Variants in MRPL13 observed in about 807,000 individuals in gnomAD.
The protein encoded by MRPL13 is mitochondrial ribosomal protein L13.
MRPL13 carries 33 observed loss-of-function variants against 29.0 expected under a neutral mutation model. The observed-to-expected ratio is 1.14, with a 90% CI of 0.86 to 1.52. The LOEUF (loss-of-function observed/expected upper bound fraction) is 1.52, where lower values mean the gene tolerates loss of function less well. MRPL13 is among the 40% of genes most tolerant of loss of function. The probability of loss-of-function intolerance (pLI) is 0.00; values close to 1 mark genes in which losing one functional copy is unlikely to be tolerated. For missense variants in MRPL13, 227 were observed against 216.7 expected (o/e 1.05, Z -0.30); for synonymous variants, 77 against 68.4 (o/e 1.13, Z -0.62).
intron 4 of MRPL13, 106 bp from the exon 5 acceptor site, chr8:120,420,044 G>T (rs1042821818): frequency 3.2e-6 from 2 of 631,188 alleles, no homozygotes; most frequent in Non-Finnish European, 4.8e-6. Context: ...GATTCAACAC[G>T]AATATAGGAA....
Position 120,431,636 on chromosome 8 carries a change from G to A in MRPL13, c.245+394C>T, listed in dbSNP as rs565219296. On this transcript the variant is annotated intron_variant, in intron 3 of 6. Coordinates refer to ENST00000306185, the MANE Select transcript of MRPL13 (RefSeq NM_014078.6). ...CAGGTGAGTGTATTTACTTAAGAGA[G>A]ATACTGACAAACAAGATTTTATCTA... Among the ~76,000 whole-genome samples, 3 of 152,160 alleles carry A rather than the reference G, an allele frequency of 2.0e-5. No individual in the cohort carries two copies. In the South Asian group the frequency reaches 6.2e-4, roughly 32 times the overall value.
At chr8:120,425,722 T>A (rs1812924684) in intron 3 of MRPL13, among the ~76,000 whole-genome samples, 1 of 152,146 alleles carries the variant, frequency 6.6e-6, no homozygotes, top group Non-Finnish European at 1.5e-5. Context: ...CCAAATTAGA[T>A]AAACCGTATA....
intron 6 of MRPL13, among the ~76,000 whole-genome samples, chr8:120,408,398 C>T (rs1812702280): frequency 6.6e-6 from 1 of 152,128 alleles, no homozygotes; most frequent in Non-Finnish European, 1.5e-5. Flanking sequence ...TTTTATTTTA[C>T]TAGCCAGTCC....
intron 6 of MRPL13, among the ~76,000 whole-genome samples, chr8:120,407,061 C>T (rs1475217491): frequency 1.3e-5 from 2 of 152,166 alleles, no homozygotes; most frequent in African/African-American, 2.4e-5. Context: ...AATTCTTTAC[C>T]ATACGCATCC....
intron 5 of MRPL13, 23 bp from the exon 6 acceptor site, chr8:120,414,135 CTT>C: frequency 2.8e-6 from 4 of 1,438,196 alleles, no homozygotes; most frequent in South Asian, 1.5e-5. Context: ...AAAATTTAGA[CTT>C]AATTTTCTTA....
Position 120,432,025 on chromosome 8 carries a change from C to A in MRPL13, c.245+5G>T. ...CTAATTTCCCTGACAACAGCATTAT[C>A]TTACCCAGTATGCGAAGAGTATACT... On this transcript the variant is annotated splice_donor_5th_base_variant and intron_variant, in intron 3 of 6. Coordinates refer to ENST00000306185, the MANE Select transcript of MRPL13 (RefSeq NM_014078.6). The A allele has an allele frequency of 6.3e-7, 1 of 1,586,990 alleles. No homozygotes were observed. Among genetic ancestry groups the A allele is most frequent in the Non-Finnish European group, 8.6e-7 (1 of 1,163,828 alleles).
chr8:120,403,105 C>G (rs1812621613), intron 6 of MRPL13, among the ~76,000 whole-genome samples: 1 of 152,150 alleles, frequency 6.6e-6, no homozygotes, highest in Admixed American at 6.5e-5. Flanking sequence ...CCTCAAAGAT[C>G]TAGAGGTAGA....
chr8:120,430,475 G>C (rs1021978241), intron 3 of MRPL13, among the ~76,000 whole-genome samples: 4 of 152,090 alleles, frequency 2.6e-5, no homozygotes, highest in African/African-American at 9.7e-5. Flanking sequence ...ACAGTGTTAT[G>C]AGCATAATAA....
In MRPL13 at chr8:120,443,318, GAA is replaced by G. The variant is rs5894521; in HGVS notation, c.28-12_28-11del. On this transcript the variant is annotated splice_polypyrimidine_tract_variant and intron_variant, in intron 1 of 6. Transcript: ENST00000306185. ...CAAAAGTGGCCCATTGCTTGGGGGG[GAA>G]AAAAAAAAAAAAGAAGAGGAAAAAA... 0.015 allele frequency: 20,822 copies of G among 1,346,116 alleles called. 29 individuals are homozygous for G. Among genetic ancestry groups the G allele is most frequent in the African/African-American group, 0.042 (2,672 of 63,530 alleles). 83.4% of individuals were successfully genotyped at this position (1,346,116 alleles called of 1,614,324 possible). A position where few individuals can be genotyped will look rare whatever the true frequency, so the allele number is the denominator to read the frequency against.
chr8:120,397,142 C>G (rs78767771), intron 6 of MRPL13, among the ~76,000 whole-genome samples: 2 of 152,148 alleles, frequency 1.3e-5, no homozygotes, highest in Non-Finnish European at 2.9e-5. Flanking sequence ...GTTTCTCTCA[C>G]GGATCTTTGC....
intron 6 of MRPL13, among the ~76,000 whole-genome samples, chr8:120,404,064 C>T (rs779137030): frequency 7.9e-5 from 12 of 152,162 alleles, no homozygotes; most frequent in Admixed American, 7.2e-4. Flanking sequence ...CAGCTACACG[C>T]GGCTCCAGAA....
chr8:120,414,084 A>G lies in MRPL13; in HGVS notation c.422T>C (p.Leu141Ser). Residue 141 changes from leucine to serine, a missense_variant, in exon 6 of 7, where the codon TTA becomes TCA. By Grantham distance (145) the Leu-to-Ser change is moderately radical. Coordinates refer to ENST00000306185, the MANE Select transcript of MRPL13 (RefSeq NM_014078.6). ...EYIPEDILKNLVEELPQPRKI... is the reference protein window; with the variant it reads ...EYIPEDILKNSVEELPQPRKI... ...TCGTGGTTGAGGAAGCTCCTCTACT[A>G]AATTCTTAAGAATATCTTCTGGAAT... 2.5e-6 allele frequency: 4 copies of G among 1,591,818 alleles called. 1 individual carries two copies. The South Asian group carries it at 3.5e-5, about 14-fold the overall frequency.
intron 1 of MRPL13, among the ~76,000 whole-genome samples, chr8:120,444,033 A>G (rs1813166351): frequency 2.6e-5 from 4 of 152,136 alleles, no homozygotes; most frequent in Non-Finnish European, 4.4e-5. Context: ...GAAAAATAGA[A>G]CGAGGCTAGC....
At chr8:120,402,164 T>C (rs531280823) in intron 6 of MRPL13, among the ~76,000 whole-genome samples, 7 of 152,186 alleles carry the variant, frequency 4.6e-5, no homozygotes, top group Non-Finnish European at 8.8e-5. Flanking sequence ...AAAATTCATA[T>C]GGAACCAATA....
chr8:120,414,109 T>C lies in MRPL13; in HGVS notation c.397A>G (p.Ile133Val). The change falls in exon 6 of 7, where the codon ATT (isoleucine) becomes GTT (valine). Residue 133 changes from isoleucine (I) to valine (V), a missense_variant. Ile to Val is a conservative substitution (Grantham distance 29). Coordinates refer to ENST00000306185, the MANE Select transcript of MRPL13 (RefSeq NM_014078.6). Reference protein sequence around the residue: ...ERLHLFPDEYIPEDILKNLVE... With the variant: ...ERLHLFPDEYVPEDILKNLVE... ...AAATTCTTAAGAATATCTTCTGGAA[T>C]ATACTACATTAAAAAAAAATTTAGA... 1 of 1,541,818 alleles carries C rather than the reference T, an allele frequency of 6.5e-7. No individual in the cohort carries two copies. The highest frequency in any genetic ancestry group is 8.7e-7 in the Non-Finnish European group (1 of 1,153,564).
intron 3 of MRPL13, among the ~76,000 whole-genome samples, chr8:120,431,031 G>A (rs112640160): frequency 5.3e-5 from 8 of 152,122 alleles, no homozygotes; most frequent in Admixed American, 1.3e-4. Flanking sequence ...TACTAAAGAC[G>A]GATGTAAATT....
chr8:120,406,847 C>G (rs747248093), intron 6 of MRPL13, among the ~76,000 whole-genome samples: 4 of 152,130 alleles, frequency 2.6e-5, no homozygotes, highest in Non-Finnish European at 5.9e-5. Flanking sequence ...TGTTCTGTAA[C>G]AACTATCTAT....
At chr8:120,430,238 G>C (rs1014641371) in intron 3 of MRPL13, among the ~76,000 whole-genome samples, 1 of 152,132 alleles carries the variant, frequency 6.6e-6, no homozygotes, top group Admixed American at 6.5e-5. Flanking sequence ...CTCCAGCCAG[G>C]ATGACAGAGC....
rs914249892 is a variant in MRPL13, at chr8:120,412,010, A to G, written c.515+1981T>C. Among the ~76,000 whole-genome samples the G allele has an allele frequency of 5.3e-5, 8 of 152,222 alleles. No homozygotes were observed. The South Asian group carries it at 1.7e-3, about 32-fold the overall frequency. ...TGAATTATTATATTAGTGTGGTGCC[A>G]GTTTAACTGATTTAGAATACACTTT... On this transcript the variant is annotated intron_variant, in intron 6 of 6. Transcript: ENST00000306185.
Sources: gnomAD v4.1 joint callset for allele counts (sites outside exome capture counted in the v4.1 genomes callset) on GRCh38, gnomAD v4.1.1 for gene constraint, MANE v1.5 for transcripts, NCBI Gene and HGNC (gene_info 2026-07-23, HGNC 2026-07-21) for gene names.